The following GRM8 variants were observed in gnomAD, a reference collection of about 807,000 sequenced individuals.
GRM8 encodes glutamate metabotropic receptor 8.
Under a neutral mutation model 87.2 loss-of-function variants are expected in GRM8, and 47 were observed. That is an observed-to-expected ratio of 0.54 (90% confidence interval 0.43 to 0.69). GRM8 has a LOEUF of 0.69. GRM8 is among the 30% of genes least tolerant of loss of function. The pLI is 0.00. For synonymous variants in GRM8, 396 were observed against 404.5 expected (o/e 0.98, Z 0.25); for missense variants, 1,019 against 1,139.2 (o/e 0.89, Z 1.52).
intron 3 of GRM8, among the ~76,000 whole-genome samples, chr7:127,014,947 G>GAGAGAGAGAAGAAGAAGA (rs1563412679): frequency 2.9e-5 from 4 of 138,842 alleles, no homozygotes; most frequent in Non-Finnish European, 4.6e-5. Flanking sequence ...GAGAGAGAAA[G>GAGAGAGAGAAGAAGAAGA]AGAGAGAGAA....
intron 8 of GRM8, among the ~76,000 whole-genome samples, chr7:126,580,816 G>A (rs1168626140): frequency 6.6e-6 from 1 of 151,958 alleles, no homozygotes; most frequent in African/African-American, 2.4e-5. Flanking sequence ...CTCAAAGTAG[G>A]TTTAAGGAAT....
intron 6 of GRM8, among the ~76,000 whole-genome samples, chr7:126,866,331 T>C (rs1798584682): frequency 6.6e-6 from 1 of 152,174 alleles, no homozygotes; most frequent in Non-Finnish European, 1.5e-5. Flanking sequence ...TTATCAGATA[T>C]GTAATTTGCA....
intron 2 of GRM8, among the ~76,000 whole-genome samples, chr7:127,225,566 A>G (rs1797270602): frequency 6.6e-6 from 1 of 151,844 alleles, no homozygotes; most frequent in Non-Finnish European, 1.5e-5. Flanking sequence ...AAACGCAACA[A>G]TTTGGAGCAG....
At chr7:126,886,601 T>C (rs1411639925) in intron 6 of GRM8, among the ~76,000 whole-genome samples, 3 of 152,132 alleles carry the variant, frequency 2.0e-5, no homozygotes, top group Admixed American at 6.6e-5. Flanking sequence ...ACAGGCTACA[T>C]AAATCCATTA....
intron 3 of GRM8, among the ~76,000 whole-genome samples, chr7:126,967,211 T>A (rs1298859286): frequency 6.6e-6 from 1 of 152,150 alleles, no homozygotes; most frequent in African/African-American, 2.4e-5. Context: ...ATATCATGTA[T>A]CAAGATTATT....
intron 6 of GRM8, among the ~76,000 whole-genome samples, chr7:126,843,734 G>A (rs1050102166): frequency 5.3e-5 from 8 of 152,218 alleles, no homozygotes; most frequent in Non-Finnish European, 1.0e-4. Context: ...CAATATTTCT[G>A]TGAGCCAGGG....
intron 3 of GRM8, among the ~76,000 whole-genome samples, chr7:126,973,530 T>C (rs1043645848): frequency 1.3e-5 from 2 of 152,160 alleles, no homozygotes; most frequent in African/African-American, 4.8e-5. Flanking sequence ...AACCAATGAA[T>C]GTCAGTGATA....
intron 2 of GRM8, among the ~76,000 whole-genome samples, chr7:127,240,127 G>A (rs900175282): frequency 3.9e-5 from 6 of 152,152 alleles, no homozygotes; most frequent in Middle Eastern, 3.2e-3. Context: ...TCTGCCCAGA[G>A]AGTCAGTAGT....
At chr7:127,085,920 G>A (rs982403582) in intron 3 of GRM8, among the ~76,000 whole-genome samples, 5 of 152,050 alleles carry the variant, frequency 3.3e-5, no homozygotes, top group Non-Finnish European at 7.4e-5. Flanking sequence ...TTTTCTTCTA[G>A]GGTTTTTATG....
At chr7:126,634,680 C>A (rs1348314157) in intron 7 of GRM8, among the ~76,000 whole-genome samples, 2 of 151,986 alleles carry the variant, frequency 1.3e-5, no homozygotes, top group African/African-American at 2.4e-5. Flanking sequence ...TTCCTCCCCC[C>A]ACCTTTCAGG....
At chr7:126,575,135 C>A (rs10227038) in intron 8 of GRM8, among the ~76,000 whole-genome samples, 2 of 151,988 alleles carry the variant, frequency 1.3e-5, no homozygotes, top group Non-Finnish European at 2.9e-5. Flanking sequence ...AACTGGGCTG[C>A]GTAGCAGGAG....
intron 6 of GRM8, among the ~76,000 whole-genome samples, chr7:126,844,663 C>T (rs1364096632): frequency 1.3e-5 from 2 of 152,156 alleles, no homozygotes; most frequent in Non-Finnish European, 2.9e-5. Flanking sequence ...TGAAGTCCAA[C>T]ATCAGGATGC....
intron 6 of GRM8, among the ~76,000 whole-genome samples, chr7:126,842,462 T>C (rs1391646614): frequency 6.6e-6 from 1 of 152,238 alleles, no homozygotes; most frequent in Admixed American, 6.5e-5. Flanking sequence ...ATATTTGTGA[T>C]AGGCAGACTA....
At chr7:126,915,917 G>C (rs1271223095) in intron 3 of GRM8, among the ~76,000 whole-genome samples, 4 of 152,282 alleles carry the variant, frequency 2.6e-5, no homozygotes, top group South Asian at 4.1e-4. Flanking sequence ...TTAATGTGTT[G>C]TGTGCATTTG....
chr7:127,012,757 T>G (rs1815022219), intron 3 of GRM8, among the ~76,000 whole-genome samples: 1 of 152,142 alleles, frequency 6.6e-6, no homozygotes, highest in African/African-American at 2.4e-5. Flanking sequence ...TCTGTAAGAT[T>G]TGTCACTTCC....
At chr7:127,212,663 C>G (rs1283792208) in intron 2 of GRM8, among the ~76,000 whole-genome samples, 1 of 151,992 alleles carries the variant, frequency 6.6e-6, no homozygotes. Flanking sequence ...GTGATCCGCC[C>G]GCCTCGGCCT....
chr7:126,840,605 A>G (rs1376665165), intron 6 of GRM8, among the ~76,000 whole-genome samples: 1 of 152,320 alleles, frequency 6.6e-6, no homozygotes, highest in Non-Finnish European at 1.5e-5. Context: ...TTTAAAAGTT[A>G]ATTGTTGACT....
At chr7:126,850,730 T>C (rs368773781) in intron 6 of GRM8, among the ~76,000 whole-genome samples, 1 of 152,188 alleles carries the variant, frequency 6.6e-6, no homozygotes, top group African/African-American at 2.4e-5. Context: ...AATAGGAAGA[T>C]AGTTGATCTT....
At chr7:126,842,802 C>A (rs573669238) in intron 6 of GRM8, among the ~76,000 whole-genome samples, 1 of 152,266 alleles carries the variant, frequency 6.6e-6, no homozygotes, top group Non-Finnish European at 1.5e-5. Flanking sequence ...CAGATTCTCC[C>A]TAGAGCCTTC....
Sources: allele counts gnomAD v4.1 joint callset (sites outside exome capture counted in the v4.1 genomes callset), GRCh38; gene constraint gnomAD v4.1.1; transcripts MANE v1.5; gene names NCBI Gene and HGNC (gene_info 2026-07-23, HGNC 2026-07-21).